The following ENAH variants were observed in gnomAD, a reference collection of about 807,000 sequenced individuals.
ENAH encodes ENAH actin regulator, also known as protein enabled homolog.
A neutral mutation model predicts 78.7 loss-of-function variants in ENAH; 23 were observed. The ratio of observed to expected loss-of-function variants is 0.29; its 90% CI spans 0.21 to 0.41. ENAH has a LOEUF of 0.41. ENAH is among the 10% of genes least tolerant of loss of function. ENAH has a pLI of 1.00. For missense variants in ENAH, 544 were observed against 691.0 expected, an observed-to-expected ratio of 0.79 and a Z score of 2.39; for synonymous variants, 226 against 241.0, an observed-to-expected ratio of 0.94 and a Z score of 0.58.
intron 1 of ENAH, among the ~76,000 whole-genome samples, chr1:225,588,252 T>A (rs988813935): frequency 6.6e-6 from 1 of 152,132 alleles, no homozygotes; most frequent in Admixed American, 6.6e-5. Flanking sequence ...GAAAAAAATC[T>A]ACGAAACATA....
chr1:225,628,172 A>G (rs1212952933), intron 1 of ENAH, among the ~76,000 whole-genome samples: 3 of 152,264 alleles, frequency 2.0e-5, no homozygotes, highest in Non-Finnish European at 4.4e-5. Context: ...TTTAAAGGTC[A>G]GCATCAAAAC....
chr1:225,612,724 T>C (rs1171923531), intron 1 of ENAH, among the ~76,000 whole-genome samples: 1 of 152,182 alleles, frequency 6.6e-6, no homozygotes, highest in Non-Finnish European at 1.5e-5. Context: ...ATTCTGGCAA[T>C]AAATACTAAA....
Position 225,587,446 on chromosome 1 carries a change from C to A in ENAH, c.6-20032G>T, listed in dbSNP as rs562700573. On this transcript the variant is annotated intron_variant, in intron 1 of 13. Coordinates refer to ENST00000366843, the MANE Select transcript of ENAH (RefSeq NM_018212.6). Reference sequence around the variant, plus strand: ...TGCAATAGCACCCAAAAAAGAAAATCTTCATAATATCATGCGTAAAATCTT... The same window carrying A: ...TGCAATAGCACCCAAAAAAGAAAATATTCATAATATCATGCGTAAAATCTT... Among the ~76,000 whole-genome samples the A allele has an allele frequency of 2.0e-5, 3 of 152,248 alleles. No individual in the cohort carries two copies. The South Asian group carries it at 6.2e-4, about 32-fold the overall frequency.
At chr1:225,531,948 T>C (rs1231089914) in intron 3 of ENAH, among the ~76,000 whole-genome samples, 1 of 152,086 alleles carries the variant, frequency 6.6e-6, no homozygotes, top group Non-Finnish European at 1.5e-5. Context: ...ACTGCAGTGA[T>C]ATATTTCATT....
At chr1:225,512,783 G>C in intron 8 of ENAH, 69 bp from the exon 9 acceptor site, 1 of 1,607,908 alleles carries the variant, frequency 6.2e-7, no homozygotes, top group Admixed American at 1.7e-5. Flanking sequence ...TTCTCTACGA[G>C]GAAAGAAGTG....
chr1:225,502,841 T>C (rs2096291507), intron 11 of ENAH, among the ~76,000 whole-genome samples: 1 of 152,220 alleles, frequency 6.6e-6, no homozygotes, highest in African/African-American at 2.4e-5. Flanking sequence ...TATTCACTCA[T>C]GCTACCTATT....
chr1:225,615,384 G>C (rs1012416986), intron 1 of ENAH, among the ~76,000 whole-genome samples: 2 of 152,114 alleles, frequency 1.3e-5, no homozygotes, highest in South Asian at 2.1e-4. Flanking sequence ...GCGTGATCTC[G>C]GCTCGCTACA....
intron 1 of ENAH, among the ~76,000 whole-genome samples, chr1:225,574,559 G>A (rs1034412502): frequency 2.6e-5 from 4 of 151,612 alleles, no homozygotes; most frequent in South Asian, 2.1e-4. Context: ...CCAACAGTAC[G>A]CCACTGCACT....
At chr1:225,578,513 G>A (rs1361156706) in intron 1 of ENAH, among the ~76,000 whole-genome samples, 1 of 152,092 alleles carries the variant, frequency 6.6e-6, no homozygotes, top group Non-Finnish European at 1.5e-5. Context: ...TAACAAACTA[G>A]TAAGACTGAG....
chr1:225,570,896 G>A (rs1393386467), intron 1 of ENAH, among the ~76,000 whole-genome samples: 1 of 152,108 alleles, frequency 6.6e-6, no homozygotes, highest in Admixed American at 6.6e-5. Flanking sequence ...CTGGGAGGCA[G>A]AGGTTATGGT....
intron 1 of ENAH, among the ~76,000 whole-genome samples, chr1:225,627,724 A>G (rs1658207542): frequency 6.6e-6 from 1 of 152,206 alleles, no homozygotes; most frequent in Non-Finnish European, 1.5e-5. Context: ...TCCTAGCTAA[A>G]GAAGTAGCAG....
chr1:225,643,107 C>T (rs766147765), intron 1 of ENAH, among the ~76,000 whole-genome samples: 15 of 152,316 alleles, frequency 9.8e-5, no homozygotes, highest in Middle Eastern at 3.4e-3. Context: ...GAATGCAGAG[C>T]CAGGTCACGC....
At chr1:225,569,800 T>C (rs539947578) in intron 1 of ENAH, among the ~76,000 whole-genome samples, 96 of 152,126 alleles carry the variant, frequency 6.3e-4, no homozygotes, top group African/African-American at 2.1e-3. Flanking sequence ...GAAGAAAAAA[T>C]AAGCTATGGG....
At chr1:225,594,753 T>C (rs1049792896) in intron 1 of ENAH, among the ~76,000 whole-genome samples, 6 of 152,250 alleles carry the variant, frequency 3.9e-5, no homozygotes, top group African/African-American at 9.6e-5. Context: ...CTTTCTTTAG[T>C]AGAGATCACT....
intron 4 of ENAH, among the ~76,000 whole-genome samples, chr1:225,530,330 T>C (rs1267844003): frequency 6.6e-6 from 1 of 152,198 alleles, no homozygotes; most frequent in Non-Finnish European, 1.5e-5. Context: ...ACCTTAAGTA[T>C]AATTTTTACA....
chr1:225,518,022 A>G, intron 5 of ENAH: 1 of 1,513,624 alleles, frequency 6.6e-7, no homozygotes, highest in Non-Finnish European at 8.8e-7. Context: ...GCAGCAAAAG[A>G]CAGGATAAAA....
At chr1:225,603,744 G>T (rs2096941573) in intron 1 of ENAH, among the ~76,000 whole-genome samples, 1 of 152,256 alleles carries the variant, frequency 6.6e-6, no homozygotes, top group Middle Eastern at 3.4e-3. Flanking sequence ...AAAAACATTG[G>T]TATCTACCAA....
chr1:225,565,937 C>A (rs2096732833), intron 2 of ENAH, among the ~76,000 whole-genome samples: 2 of 152,128 alleles, frequency 1.3e-5, no homozygotes, highest in South Asian at 4.1e-4. Flanking sequence ...CAGGCCGAAA[C>A]CGTCTGTATA....
Position 225,589,414 on chromosome 1 carries a change from C to G in ENAH, c.6-22000G>C, listed in dbSNP as rs568984254. Among the ~76,000 whole-genome samples, 19 of 152,100 alleles carry G rather than the reference C, an allele frequency of 1.2e-4. No individual in the cohort carries two copies. In the East Asian group the frequency reaches 3.7e-3, roughly 29 times the overall value. On this transcript the variant is annotated intron_variant, in intron 1 of 13. Transcript: ENST00000366843. ...ACTTACTTTTTATTTAGAAATGCATCTAAATAAATAAATAAATTATAGTCA... is the reference window on the plus strand; with the variant it reads ...ACTTACTTTTTATTTAGAAATGCATGTAAATAAATAAATAAATTATAGTCA...
Sources: allele counts gnomAD v4.1 joint callset (sites outside exome capture counted in the v4.1 genomes callset), GRCh38; gene constraint gnomAD v4.1.1; transcripts MANE v1.5; gene names NCBI Gene and HGNC (gene_info 2026-07-23, HGNC 2026-07-21).